CELF2: variants seen among roughly 807,000 people sequenced by gnomAD.
The protein encoded by CELF2 is CUG triplet repeat RNA-binding protein 2.
CELF2 carries 8 observed loss-of-function variants against 62.6 expected under a neutral mutation model. The observed-to-expected ratio is 0.13, with a 90% CI of 0.07 to 0.23. The LOEUF (loss-of-function observed/expected upper bound fraction) is 0.23. Ranked by LOEUF, CELF2 falls within the 10% of genes least tolerant of loss-of-function variation. CELF2 has a pLI of 1.00. For synonymous variants in CELF2, 258 were observed against 250.0 expected (o/e 1.03, Z -0.30); for missense variants, 333 against 671.0 (o/e 0.50, Z 5.56).
At chr10:10,649,515 A>G in the CELF2 span, among the ~76,000 whole-genome samples, 1 of 151,822 alleles carries the variant, frequency 6.6e-6, no homozygotes, top group African/African-American at 2.4e-5. Flanking sequence ...ATACAGATAT[A>G]TCTTAGGGAT....
intron 3 of CELF2, among the ~76,000 whole-genome samples, chr10:11,240,292 T>A (rs1300974552): frequency 6.6e-6 from 1 of 152,258 alleles, no homozygotes; most frequent in East Asian, 1.9e-4. Context: ...ACATGAATGA[T>A]TGTTCACCCA....
intron 9 of CELF2, among the ~76,000 whole-genome samples, chr10:11,298,302 C>A (rs995558362): frequency 6.6e-6 from 1 of 152,206 alleles, no homozygotes; most frequent in Non-Finnish European, 1.5e-5. Flanking sequence ...GGTGCCATCT[C>A]GACCTGGTAC....
At chr10:10,872,984 A>C (rs144557631) in intron 1 of CELF2, among the ~76,000 whole-genome samples, 2 of 151,636 alleles carry the variant, frequency 1.3e-5, no homozygotes, top group African/African-American at 2.4e-5. Context: ...ATAAACTTTC[A>C]CCATTCAAGT....
chr10:11,171,753 C>T (rs1364674035), intron 2 of CELF2, among the ~76,000 whole-genome samples: 2 of 152,220 alleles, frequency 1.3e-5, no homozygotes, highest in African/African-American at 2.4e-5. Context: ...ACCCACTTCA[C>T]AAGTTGCTTT....
intron 1 of CELF2, among the ~76,000 whole-genome samples, chr10:10,854,251 G>A (rs2059571528): frequency 6.6e-6 from 1 of 152,176 alleles, no homozygotes; most frequent in Non-Finnish European, 1.5e-5. Flanking sequence ...TTTGTCCAGA[G>A]CTGAACCAAC....
chr10:11,166,881 G>A (rs2067384446), intron 2 of CELF2, among the ~76,000 whole-genome samples: 1 of 152,210 alleles, frequency 6.6e-6, no homozygotes, highest in East Asian at 1.9e-4. Context: ...CTTGTTCCCT[G>A]TTGTTGCCAG....
At chr10:11,061,378 T>C (rs1301423428) in intron 1 of CELF2, among the ~76,000 whole-genome samples, 1 of 152,200 alleles carries the variant, frequency 6.6e-6, no homozygotes, top group Non-Finnish European at 1.5e-5. Flanking sequence ...AGTTTGAAGC[T>C]AGCAGAGGTT....
intron 1 of CELF2, among the ~76,000 whole-genome samples, chr10:11,076,932 A>C (rs1162140271): frequency 6.6e-6 from 1 of 152,232 alleles, no homozygotes; most frequent in Non-Finnish European, 1.5e-5. Context: ...AAAGCAGGTT[A>C]TAGTAAACTA....
intron 3 of CELF2, among the ~76,000 whole-genome samples, 182 bp from the exon 4 acceptor site, chr10:11,248,971 G>T (rs1012954167): frequency 5.3e-5 from 8 of 152,222 alleles, no homozygotes; most frequent in Non-Finnish European, 1.2e-4. Flanking sequence ...TGACTTCAAA[G>T]GGTTTGATTC....
rs1168932032 is a variant in CELF2 at position 11,086,578 on chromosome 10, TAAA to T, written c.74+68445_74+68447del. Among the ~76,000 whole-genome samples the T allele has an allele frequency of 2.4e-4, 17 of 71,982 alleles. No homozygotes were observed. The East Asian group carries it at 4.0e-3, about 17-fold the overall frequency. The allele number at this position is 71,982 out of a possible 152,430, so 47.2% of individuals were successfully genotyped here. A position where few individuals can be genotyped will look rare whatever the true frequency, so the allele number is the denominator to read the frequency against. ...AATCCATGTCTCCATTTGCATTTGT[TAAA>T]AAAAAAAAAAAAAAAAAAAAAAAAA... is the stretch of plus-strand genomic sequence containing the variant. On this transcript the variant is annotated intron_variant, in intron 1 of 12. Coordinates refer to ENST00000633077, the MANE Select transcript of CELF2 (RefSeq NM_001326342.2).
At chr10:10,939,826 T>C (rs184709378) in intron 2 of CELF2, among the ~76,000 whole-genome samples, 66 of 152,056 alleles carry the variant, frequency 4.3e-4, no homozygotes, top group African/African-American at 1.6e-3. Context: ...TGGTGGCGGA[T>C]GCCTGTAGTT....
intron 1 of CELF2, among the ~76,000 whole-genome samples, chr10:10,814,836 A>G (rs2056297489): frequency 6.6e-6 from 1 of 152,122 alleles, no homozygotes; most frequent in African/African-American, 2.4e-5. Context: ...AGAACTCAGG[A>G]ATTCGAATTT....
At chr10:10,634,916 G>T in the CELF2 span, among the ~76,000 whole-genome samples, 1 of 152,112 alleles carries the variant, frequency 6.6e-6, no homozygotes, top group African/African-American at 2.4e-5. Context: ...GTCTGCTGTG[G>T]GTCAAGGTGA....
At chr10:10,924,043 G>C (rs1055220696) in intron 2 of CELF2, 1 of 151,978 alleles carries the variant, frequency 6.6e-6, no homozygotes, top group African/African-American at 2.4e-5. Context: ...AATGGAATGA[G>C]GTTTCAATAT....
the CELF2 span, among the ~76,000 whole-genome samples, chr10:10,585,604 T>G: frequency 6.6e-6 from 1 of 152,232 alleles, no homozygotes; most frequent in African/African-American, 2.4e-5. Context: ...TTGCTCCATA[T>G]TCCAAGTGCA....
At chr10:11,205,097 A>C (rs1347457669) in intron 2 of CELF2, among the ~76,000 whole-genome samples, 1 of 152,242 alleles carries the variant, frequency 6.6e-6, no homozygotes, top group Admixed American at 6.5e-5. Context: ...TTTAGAGGTC[A>C]CGTAAATGGA....
the CELF2 span, among the ~76,000 whole-genome samples, chr10:10,705,453 C>T: frequency 4.3e-3 from 645 of 150,938 alleles, 1 homozygote; most frequent in Admixed American, 6.5e-3. Context: ...TATTTAATTT[C>T]CTATTGTGGG....
the CELF2 span, among the ~76,000 whole-genome samples, chr10:10,687,704 TG>T: frequency 2.0e-5 from 3 of 152,234 alleles, no homozygotes; most frequent in Non-Finnish European, 4.4e-5. Flanking sequence ...AGTTAAATTT[TG>T]TATCTAATTT....
At chr10:10,622,678 C>T in the CELF2 span, among the ~76,000 whole-genome samples, 7 of 151,564 alleles carry the variant, frequency 4.6e-5, no homozygotes, top group Non-Finnish European at 1.0e-4. Flanking sequence ...AAAATAAAGC[C>T]GAGGTTATTG....
Sources: allele counts gnomAD v4.1 joint callset (sites outside exome capture counted in the v4.1 genomes callset), GRCh38; gene constraint gnomAD v4.1.1; transcripts MANE v1.5; gene names NCBI Gene and HGNC (gene_info 2026-07-23, HGNC 2026-07-21).